Variants in DSCAM observed in about 807,000 individuals in gnomAD.
The protein encoded by DSCAM is cell adhesion molecule DSCAM.
A neutral mutation model predicts 217.7 loss-of-function variants in DSCAM; 47 were observed. That is an observed-to-expected ratio of 0.22 (90% confidence interval 0.17 to 0.28). The LOEUF (loss-of-function observed/expected upper bound fraction) is 0.28. DSCAM is among the 10% of genes least tolerant of loss of function. The pLI is 1.00. For synonymous variants in DSCAM, 1,056 were observed against 1,015.3 expected (o/e 1.04, Z -0.76); for missense variants, 2,080 against 2,618.3 (o/e 0.79, Z 4.49).
chr21:40,064,893 G>A (rs2089183017), intron 27 of DSCAM, among the ~76,000 whole-genome samples: 1 of 152,138 alleles, frequency 6.6e-6, no homozygotes, highest in Non-Finnish European at 1.5e-5. Flanking sequence ...GGCAGAGGTG[G>A]GTGGTGGATG....
intron 1 of DSCAM, among the ~76,000 whole-genome samples, chr21:40,843,074 C>A (rs1258727168): frequency 1.3e-5 from 2 of 152,160 alleles, no homozygotes; most frequent in African/African-American, 4.8e-5. Context: ...TTCTTCCTTA[C>A]ATACATTTAT....
chr21:40,035,776 C>A (rs2088609212), intron 32 of DSCAM, among the ~76,000 whole-genome samples: 1 of 148,242 alleles, frequency 6.7e-6, no homozygotes, highest in African/African-American at 2.6e-5. Context: ...TAAAGCTCTC[C>A]TCAGCAAATG....
At chr21:40,694,046 C>T (rs1450740065) in intron 2 of DSCAM, among the ~76,000 whole-genome samples, 1 of 152,166 alleles carries the variant, frequency 6.6e-6, no homozygotes, top group Admixed American at 6.5e-5. Flanking sequence ...GAAAATTCAA[C>T]AGTGTCTGCT....
chr21:40,017,564 A>T (rs1000503501), intron 32 of DSCAM, among the ~76,000 whole-genome samples: 7 of 146,534 alleles, frequency 4.8e-5, no homozygotes, highest in Non-Finnish European at 7.5e-5. Context: ...GGGCCATAAC[A>T]TTTTTTTTTT....
At chr21:40,769,955 G>GT (rs1278283775) in intron 1 of DSCAM, among the ~76,000 whole-genome samples, 1 of 152,072 alleles carries the variant, frequency 6.6e-6, no homozygotes, top group Non-Finnish European at 1.5e-5. Context: ...ACTCCCATTT[G>GT]TTTTTTGTAT....
chr21:40,295,076 C>T (rs1192371254), intron 10 of DSCAM, among the ~76,000 whole-genome samples: 2 of 151,714 alleles, frequency 1.3e-5, no homozygotes, highest in African/African-American at 4.8e-5. Flanking sequence ...GAAAATGCAA[C>T]ATGCTATTTT....
intron 3 of DSCAM, among the ~76,000 whole-genome samples, chr21:40,373,514 A>G (rs927476755): frequency 6.6e-6 from 1 of 152,198 alleles, no homozygotes; most frequent in African/African-American, 2.4e-5. Flanking sequence ...AGGAAGTGGC[A>G]TTGTCCTTGT....
At chr21:40,279,541 T>C (rs1173716892) in intron 10 of DSCAM, among the ~76,000 whole-genome samples, 1 of 152,238 alleles carries the variant, frequency 6.6e-6, no homozygotes, top group Non-Finnish European at 1.5e-5. Context: ...TGTAAATTAG[T>C]TTGACCACTG....
intron 3 of DSCAM, among the ~76,000 whole-genome samples, chr21:40,442,573 G>A (rs923944874): frequency 7.4e-6 from 1 of 134,564 alleles, no homozygotes; most frequent in African/African-American, 2.8e-5. Context: ...AGGCCGGAGT[G>A]CAGTGGCACG....
chr21:40,241,296 A>G (rs1368400097), intron 11 of DSCAM, among the ~76,000 whole-genome samples: 1 of 152,224 alleles, frequency 6.6e-6, no homozygotes, highest in African/African-American at 2.4e-5. Flanking sequence ...TACAAGGGAA[A>G]AACAAACAAC....
intron 9 of DSCAM, among the ~76,000 whole-genome samples, chr21:40,300,337 CTTTTT>C (rs2074001120): frequency 6.6e-6 from 1 of 152,174 alleles, no homozygotes; most frequent in Admixed American, 6.5e-5. Flanking sequence ...TCTTTCATTT[CTTTTT>C]ATCAGGTGCT....
intron 27 of DSCAM, among the ~76,000 whole-genome samples, chr21:40,064,955 T>C (rs139320452): frequency 2.9e-4 from 44 of 152,168 alleles, no homozygotes; most frequent in African/African-American, 1.1e-3. Context: ...ATGCTCTGAA[T>C]GTGGAGGTGG....
At chr21:40,351,286 C>T (rs2074628154) in intron 5 of DSCAM, among the ~76,000 whole-genome samples, 1 of 152,072 alleles carries the variant, frequency 6.6e-6, no homozygotes, top group Admixed American at 6.6e-5. Flanking sequence ...GGGCACCCAA[C>T]ATTTCATGTT....
Position 40,651,656 on chromosome 21 carries a change from G to C in DSCAM, c.508+41154C>G, listed in dbSNP as rs115697795. On this transcript the variant is annotated intron_variant, in intron 3 of 32. Coordinates refer to ENST00000400454, the MANE Select transcript of DSCAM (RefSeq NM_001389.5). The stretch of plus-strand genomic sequence containing the variant: ...CACTCTCTGACCTGTTGGAAACTCA[G>C]TTTCACCGCAGCTTTACAAGGCTGC... 6.6e-3 allele frequency among the ~76,000 whole-genome samples: 1,004 copies of C among 152,226 alleles called. 11 individuals carry two copies. Among genetic ancestry groups the C allele is most frequent in the African/African-American group, 0.023 (936 of 41,532 alleles).
intron 11 of DSCAM, among the ~76,000 whole-genome samples, chr21:40,217,392 T>C (rs75247617): frequency 0.036 from 5,539 of 152,294 alleles, 159 homozygotes; most frequent in African/African-American, 0.072. Context: ...TGTATACATA[T>C]ACTTTTCAAA....
At chr21:40,121,189 A>T (rs1190428361) in intron 20 of DSCAM, among the ~76,000 whole-genome samples, 1 of 152,250 alleles carries the variant, frequency 6.6e-6, no homozygotes, top group African/African-American at 2.4e-5. Context: ...ACTTGACAGC[A>T]TCTAGTTTAC....
intron 11 of DSCAM, among the ~76,000 whole-genome samples, chr21:40,268,213 G>A (rs1386084826): frequency 6.6e-6 from 1 of 152,126 alleles, no homozygotes; most frequent in African/African-American, 2.4e-5. Flanking sequence ...GCTGCATGAC[G>A]GTGAACTAAT....
At chr21:40,126,273 AAAGG>A (rs963870493) in intron 19 of DSCAM, among the ~76,000 whole-genome samples, 20 of 151,960 alleles carry the variant, frequency 1.3e-4, no homozygotes, top group African/African-American at 1.9e-4. Flanking sequence ...AAGAAAAAAG[AAAGG>A]AAGGAAGGAA....
intron 1 of DSCAM, among the ~76,000 whole-genome samples, chr21:40,779,375 T>C (rs2091519533): frequency 6.6e-6 from 1 of 152,202 alleles, no homozygotes; most frequent in Non-Finnish European, 1.5e-5. Context: ...GAAATTTTGG[T>C]TCAGACGTCA....
Sources: allele counts gnomAD v4.1 joint callset (sites outside exome capture counted in the v4.1 genomes callset), GRCh38; gene constraint gnomAD v4.1.1; transcripts MANE v1.5; gene names NCBI Gene and HGNC (gene_info 2026-07-23, HGNC 2026-07-21).